PCDHA4: variants seen among roughly 807,000 people sequenced by gnomAD.
The protein encoded by PCDHA4 is protocadherin alpha-4.
In PCDHA4, 49 loss-of-function variants were observed where a neutral mutation model predicts 61.4. The observed-to-expected ratio is 0.80, with a 90% CI of 0.63 to 1.01. PCDHA4 has a LOEUF of 1.01. Ranked by LOEUF, PCDHA4 falls within the 50% of genes least tolerant of loss-of-function variation. The pLI is 0.00. For synonymous variants in PCDHA4, 590 were observed against 550.3 expected, an observed-to-expected ratio of 1.07 and a Z score of -1.01; for missense variants, 1,254 against 1,235.8, an observed-to-expected ratio of 1.01 and a Z score of -0.22.
chr5:140,967,876 G>T, intron 1 of PCDHA4: 1 of 1,614,144 alleles, frequency 6.2e-7, no homozygotes, highest in Non-Finnish European at 8.5e-7. Context: ...TCACGGACCT[G>T]TATAGCCCAG....
intron 1 of PCDHA4, chr5:140,866,543 G>A (rs1329299752): frequency 3.3e-5 from 5 of 152,066 alleles, no homozygotes; most frequent in South Asian, 2.1e-4. Context: ...TTAGCATCAC[G>A]GAATAAATCC....
chr5:141,000,314 A>T (rs2097900305), intron 3 of PCDHA4, among the ~76,000 whole-genome samples: 1 of 145,492 alleles, frequency 6.9e-6, no homozygotes, highest in East Asian at 2.0e-4. Context: ...GTTCAAGACC[A>T]GCTTGGGCAA....
intron 3 of PCDHA4, among the ~76,000 whole-genome samples, chr5:140,997,872 C>G (rs1053678533): frequency 6.6e-6 from 1 of 152,094 alleles, no homozygotes; most frequent in African/African-American, 2.4e-5. Context: ...TGCATGCTTG[C>G]TAGTATTTAT....
intron 3 of PCDHA4, among the ~76,000 whole-genome samples, chr5:141,004,046 C>A (rs79317939): frequency 0.03 from 4,581 of 152,294 alleles, 86 homozygotes; most frequent in Non-Finnish European, 0.047. Flanking sequence ...TGATCATTTG[C>A]TGATACTGGC....
chr5:140,978,834 C>A (rs1294349430), intron 1 of PCDHA4, 115 bp from the exon 2 acceptor site: 3 of 1,546,580 alleles, frequency 1.9e-6, no homozygotes, highest in Non-Finnish European at 2.6e-6. Context: ...ATGGCTCATT[C>A]AATACTTTTT....
intron 1 of PCDHA4, among the ~76,000 whole-genome samples, chr5:140,974,053 T>C (rs529581642): frequency 6.6e-6 from 1 of 152,346 alleles, no homozygotes; most frequent in African/African-American, 2.4e-5. Flanking sequence ...TATGATAATA[T>C]TTGGAGCAGT....
At chr5:140,990,129 A>G (rs868941506) in intron 3 of PCDHA4, among the ~76,000 whole-genome samples, 6 of 152,296 alleles carry the variant, frequency 3.9e-5, no homozygotes, top group Middle Eastern at 3.4e-3. Flanking sequence ...TGTAGAAGTC[A>G]GACTCAAGAG....
Position 140,852,810 on chromosome 5 carries a change from C to T in PCDHA4, c.2385+43238C>T, listed in dbSNP as rs2150522687. On this transcript the variant is annotated intron_variant, in intron 1 of 3. Transcript: ENST00000530339. The stretch of plus-strand genomic sequence containing the variant: ...GATGCTACAGATGTCATTTGTCTCC[C>T]GCCCTAAGTCCTCCAGTCTCCTTAG... 3.4e-5 allele frequency: 33 copies of T among 973,688 alleles called. 1 individual carries two copies. The highest frequency in any genetic ancestry group is 1.4e-4 in the South Asian group (3 of 20,896). The allele number at this position is 973,688 out of a possible 1,614,324, so 60.3% of individuals were successfully genotyped here. A position where few individuals can be genotyped will look rare whatever the true frequency, so the allele number is the denominator to read the frequency against.
chr5:141,002,879 A>G (rs2098100373), intron 3 of PCDHA4, among the ~76,000 whole-genome samples: 1 of 152,228 alleles, frequency 6.6e-6, no homozygotes, highest in Non-Finnish European at 1.5e-5. Flanking sequence ...TCAAGAACAG[A>G]AAGAGAACAA....
intron 1 of PCDHA4, among the ~76,000 whole-genome samples, chr5:140,873,716 A>G (rs1476838319): frequency 6.6e-6 from 1 of 152,184 alleles, no homozygotes; most frequent in Non-Finnish European, 1.5e-5. Context: ...GCTGGTGTGC[A>G]GTGGCGCAAT....
intron 1 of PCDHA4, among the ~76,000 whole-genome samples, chr5:140,886,846 AAG>A (rs1345370045): frequency 2.0e-5 from 3 of 151,444 alleles, no homozygotes; most frequent in Admixed American, 6.6e-5. Context: ...AAAAAAAAAA[AAG>A]AAAGGTCTTC....
chr5:140,887,201 A>G (rs1331832646), intron 1 of PCDHA4, among the ~76,000 whole-genome samples: 1 of 150,710 alleles, frequency 6.6e-6, no homozygotes, highest in Non-Finnish European at 1.5e-5. Context: ...GGTTCACGCC[A>G]TTCTCCTGCC....
In PCDHA4 at chr5:140,830,149, C is replaced by T. The variant is rs2150181952; in HGVS notation, c.2385+20577C>T. The stretch of plus-strand genomic sequence containing the variant: ...CGTCATCACGGGCGTCGGTGGGCGC[C>T]GCGGGCCCAGAGGCGGCGCTGGTGG... On this transcript the variant is annotated intron_variant, in intron 1 of 3. Transcript: ENST00000530339. 8 of 1,613,338 alleles carry T rather than the reference C, an allele frequency of 5.0e-6. No individual in the cohort carries two copies. In the East Asian group the frequency reaches 6.7e-5, roughly 13 times the overall value.
chr5:140,834,730 T>G, intron 1 of PCDHA4: 2 of 1,614,148 alleles, frequency 1.2e-6, no homozygotes, highest in Non-Finnish European at 1.7e-6. Context: ...CCGCTGCAGG[T>G]TTTCCATGTG....
intron 1 of PCDHA4, among the ~76,000 whole-genome samples, chr5:140,826,731 T>C (rs1236287706): frequency 6.6e-6 from 1 of 152,180 alleles, no homozygotes; most frequent in Non-Finnish European, 1.5e-5. Flanking sequence ...GAGCAAGTGG[T>C]CTATATTGTC....
intron 1 of PCDHA4, chr5:140,870,820 G>C (rs1554164732): frequency 1.9e-6 from 3 of 1,613,630 alleles, no homozygotes; most frequent in African/African-American, 1.3e-5. Context: ...TGGCAGCGCG[G>C]GAGGCGCAGT....
chr5:140,893,725 C>A (rs782492563), intron 1 of PCDHA4, among the ~76,000 whole-genome samples: 4 of 152,154 alleles, frequency 2.6e-5, no homozygotes, highest in Non-Finnish European at 5.9e-5. Context: ...GCTGAGAAAT[C>A]TGCTGTTAGT....
intron 3 of PCDHA4, among the ~76,000 whole-genome samples, chr5:140,986,799 CTTAG>C (rs782752084): frequency 3.9e-5 from 6 of 152,154 alleles, no homozygotes; most frequent in South Asian, 4.1e-4. Context: ...GGCAGTGAGT[CTTAG>C]TTAGAGAACT....
rs1002607780 is a variant in PCDHA4 at position 141,011,898 on chromosome 5, T to G, written c.*1961T>G. 1.8e-4 allele frequency: 27 copies of G among 148,586 alleles called. 1 individual carries two copies. Among genetic ancestry groups the G allele is most frequent in the Admixed American group, 1.5e-3 (23 of 15,026 alleles). The allele number at this position is 148,586 out of a possible 1,614,324, so 9.2% of individuals were successfully genotyped here. On this transcript the variant is annotated 3_prime_UTR_variant, in exon 4 of 4. Coordinates refer to ENST00000530339, the MANE Select transcript of PCDHA4 (RefSeq NM_018907.4). ...TAGAAGTTTGATTAATTATATTATC[T>G]ATTTAGGCATTAATATAAAAGAGGT...
Sources: allele counts gnomAD v4.1 joint callset (sites outside exome capture counted in the v4.1 genomes callset), GRCh38; gene constraint gnomAD v4.1.1; transcripts MANE v1.5; gene names NCBI Gene and HGNC (gene_info 2026-07-23, HGNC 2026-07-21).